Variants in DHRS7B observed in about 807,000 individuals in gnomAD.
DHRS7B encodes dehydrogenase/reductase 7B, also known as peroxisomal reductase activating PPAR-gamma.
DHRS7B carries 24 observed loss-of-function variants against 26.4 expected under a neutral mutation model. The ratio of observed to expected loss-of-function variants is 0.91; its 90% CI spans 0.66 to 1.28. The LOEUF (loss-of-function observed/expected upper bound fraction) is 1.28, where lower values mean the gene tolerates loss of function less well. DHRS7B is among the 50% of genes most tolerant of loss of function. The pLI is 0.00. For missense variants in DHRS7B, 368 were observed against 419.4 expected, an observed-to-expected ratio of 0.88 and a Z score of 1.07; for synonymous variants, 142 against 166.4, an observed-to-expected ratio of 0.85 and a Z score of 1.13.
At chr17:21,169,572 G>A (rs1974190564) in intron 1 of DHRS7B, among the ~76,000 whole-genome samples, 1 of 152,162 alleles carries the variant, frequency 6.6e-6, no homozygotes. Flanking sequence ...TGGCTTGAGG[G>A]TTCATCCTCA....
intron 1 of DHRS7B, among the ~76,000 whole-genome samples, chr17:21,164,596 A>T (rs1051089840): frequency 2.6e-5 from 4 of 152,218 alleles, no homozygotes; most frequent in Non-Finnish European, 5.9e-5. Flanking sequence ...TTTGACTTTG[A>T]ATGAAGTCTT....
chr17:21,180,652 A>G (rs1202862221), intron 3 of DHRS7B, among the ~76,000 whole-genome samples: 7 of 147,528 alleles, frequency 4.7e-5, no homozygotes, highest in Non-Finnish European at 8.9e-5. Flanking sequence ...TCCCCCTTAG[A>G]GGGACGGGGT....
At chr17:21,173,761 C>T (rs1049625795) in intron 2 of DHRS7B, among the ~76,000 whole-genome samples, 6 of 152,314 alleles carry the variant, frequency 3.9e-5, no homozygotes, top group African/African-American at 7.2e-5. Context: ...TGACCTTACT[C>T]AGTTACTATA....
At chr17:21,133,211 A>G (rs1258655696) in intron 1 of DHRS7B, among the ~76,000 whole-genome samples, 1 of 152,208 alleles carries the variant, frequency 6.6e-6, no homozygotes, top group Non-Finnish European at 1.5e-5. Flanking sequence ...AAAATCTGAG[A>G]CAGGTCTTAG....
In DHRS7B at chr17:21,165,910, C is replaced by T. The variant is rs1362179897; in HGVS notation, c.21-6108C>T. 8.3e-5 allele frequency among the ~76,000 whole-genome samples: 8 copies of T among 96,322 alleles called. No individual in the cohort carries two copies. The East Asian group carries it at 1.7e-3, about 20-fold the overall frequency. 63.2% of individuals were successfully genotyped at this position (96,322 alleles called of 152,430 possible). On this transcript the variant is annotated intron_variant, in intron 1 of 6. Coordinates refer to ENST00000395511, the MANE Select transcript of DHRS7B (RefSeq NM_015510.5). ...CAGCCTGGGCAACAGAGCAAGACTCCGTCTCCAAAAAAAAAAAAAAAAAAC... is the reference window on the plus strand; with the variant it reads ...CAGCCTGGGCAACAGAGCAAGACTCTGTCTCCAAAAAAAAAAAAAAAAAAC...
chr17:21,157,375 T>C (rs1187274336), intron 1 of DHRS7B, among the ~76,000 whole-genome samples: 1 of 152,140 alleles, frequency 6.6e-6, no homozygotes, highest in Non-Finnish European at 1.5e-5. Flanking sequence ...CCAAGTGGGA[T>C]TTATCCAAGA....
chr17:21,134,666 T>A (rs1173761326), intron 1 of DHRS7B, among the ~76,000 whole-genome samples: 2 of 152,226 alleles, frequency 1.3e-5, no homozygotes, highest in Non-Finnish European at 2.9e-5. Context: ...AACACAGTCT[T>A]ACAGCACTGA....
At chr17:21,130,005 C>T (rs985885072) in intron 1 of DHRS7B, among the ~76,000 whole-genome samples, 3 of 152,204 alleles carry the variant, frequency 2.0e-5, no homozygotes, top group Non-Finnish European at 4.4e-5. Context: ...AAACATGAAA[C>T]AGCTCTATGA....
At chr17:21,175,942 A>G (rs79720844) in intron 2 of DHRS7B, among the ~76,000 whole-genome samples, 1 of 151,954 alleles carries the variant, frequency 6.6e-6, no homozygotes, top group Admixed American at 6.6e-5. Flanking sequence ...AAAAAAAAAA[A>G]AAAGTAAAAA....
chr17:21,147,107 T>C (rs950532497), intron 1 of DHRS7B, among the ~76,000 whole-genome samples: 1 of 152,152 alleles, frequency 6.6e-6, no homozygotes, highest in East Asian at 1.9e-4. Context: ...TTTCTAGCAG[T>C]GGGATAATTA....
intron 1 of DHRS7B, among the ~76,000 whole-genome samples, chr17:21,135,132 T>G (rs1973314732): frequency 6.6e-6 from 1 of 152,220 alleles, no homozygotes; most frequent in Non-Finnish European, 1.5e-5. Flanking sequence ...ACAAGGAAAT[T>G]TGTTACCTCT....
At chr17:21,138,399 A>G (rs911335266) in intron 1 of DHRS7B, among the ~76,000 whole-genome samples, 3 of 150,128 alleles carry the variant, frequency 2.0e-5, no homozygotes, top group African/African-American at 7.4e-5. Context: ...AATTTTTTCT[A>G]TTTTTAGTAG....
At chr17:21,187,550 C>T (rs548988926) in intron 5 of DHRS7B, among the ~76,000 whole-genome samples, 4 of 149,980 alleles carry the variant, frequency 2.7e-5, no homozygotes, top group East Asian at 2.0e-4. Context: ...GGTGTGAACC[C>T]GGGAGGCGGA....
chr17:21,171,993 G>A, intron 1 of DHRS7B, 25 bp from the exon 2 acceptor site: 2 of 1,614,156 alleles, frequency 1.2e-6, no homozygotes, highest in Non-Finnish European at 1.7e-6. Context: ...TTTGTCACTG[G>A]TGTGTTTGGT....
chr17:21,179,058 C>T (rs1167440392), intron 3 of DHRS7B, among the ~76,000 whole-genome samples: 2 of 152,218 alleles, frequency 1.3e-5, no homozygotes, highest in African/African-American at 2.4e-5. Context: ...GATCCTCCCA[C>T]GTCAGCCTCT....
chr17:21,139,212 T>C (rs1453239314), intron 1 of DHRS7B, among the ~76,000 whole-genome samples: 1 of 152,228 alleles, frequency 6.6e-6, no homozygotes, highest in Non-Finnish European at 1.5e-5. Flanking sequence ...TTAGAAGTTA[T>C]GGTAATTTTA....
chr17:21,140,538 A>ACACACACCCC (rs972677956), intron 1 of DHRS7B, among the ~76,000 whole-genome samples: 16 of 134,854 alleles, frequency 1.2e-4, no homozygotes, highest in Admixed American at 2.3e-4. Flanking sequence ...ACACACACAC[A>ACACACACCCC]CCCTGACACC....
At position 21,127,186 on chromosome 17, in the gene DHRS7B, G is replaced by T. The variant is rs542860611; in HGVS notation, c.20+195G>T. On this transcript the variant is annotated intron_variant, in intron 1 of 6. Transcript: ENST00000395511. ...GCCCAGGCGCTGGGACCAGAGCCCT[G>T]GCTCCGGCGAGTGCGTGGCGGGGAA... 7.2e-6 allele frequency: 4 copies of T among 553,578 alleles called. No homozygotes were observed. In the South Asian group the frequency reaches 9.4e-5, roughly 13 times the overall value. The allele number at this position is 553,578 out of a possible 1,614,324, so 34.3% of individuals were successfully genotyped here.
chr17:21,154,293 A>G (rs1008718824), intron 1 of DHRS7B, among the ~76,000 whole-genome samples: 2 of 152,062 alleles, frequency 1.3e-5, no homozygotes, highest in Non-Finnish European at 2.9e-5. Flanking sequence ...CTGGGAGACA[A>G]GAGCCAAGCT....
Sources: gnomAD v4.1 joint callset for allele counts (sites outside exome capture counted in the v4.1 genomes callset) on GRCh38, gnomAD v4.1.1 for gene constraint, MANE v1.5 for transcripts, NCBI Gene and HGNC (gene_info 2026-07-23, HGNC 2026-07-21) for gene names.